The following MAP3K13 variants were observed in gnomAD, a reference collection of about 807,000 sequenced individuals.
The protein encoded by MAP3K13 is mitogen-activated protein kinase kinase kinase 13, also known as leucine zipper-bearing kinase.
Under a neutral mutation model 104.0 loss-of-function variants are expected in MAP3K13, and 52 were observed. The observed-to-expected ratio is 0.50, with a 90% CI of 0.40 to 0.63. The LOEUF (loss-of-function observed/expected upper bound fraction) is 0.63. Among genes scored for constraint, MAP3K13 ranks in the 20% least tolerant of loss-of-function variants. MAP3K13 has a pLI of 0.00. For missense variants in MAP3K13, 914 were observed against 1,218.5 expected (o/e 0.75, Z 3.72); for synonymous variants, 394 against 442.2 (o/e 0.89, Z 1.37).
At chr3:185,379,735 C>A (rs1427476762) in intron 1 of MAP3K13, among the ~76,000 whole-genome samples, 1 of 152,194 alleles carries the variant, frequency 6.6e-6, no homozygotes, top group African/African-American at 2.4e-5. Context: ...GTTATACATT[C>A]ATTATTTTTT....
At position 185,316,600 on chromosome 3, in the gene MAP3K13, C is replaced by T. The variant is rs542756151; in HGVS notation, c.-86+30957C>T. 1.4e-4 allele frequency among the ~76,000 whole-genome samples: 22 copies of T among 152,246 alleles called. 2 individuals are homozygous for T. In the South Asian group the frequency reaches 4.4e-3, roughly 30 times the overall value. ...AAGTTGCAGTGAGCCAAGATCACAC[C>T]ATTACACTCCAGCCTGGGTGACAGA... is the stretch of plus-strand genomic sequence containing the variant. On this transcript the variant is annotated intron_variant, in intron 2 of 14. Coordinates refer to the MAP3K13 transcript ENST00000424227.
At chr3:185,453,725 C>T (rs1405299777) in intron 7 of MAP3K13, among the ~76,000 whole-genome samples, 9 of 148,332 alleles carry the variant, frequency 6.1e-5, no homozygotes, top group South Asian at 2.1e-4. Context: ...GCTGAGATCA[C>T]GCCACTGCAC....
chr3:185,458,242 C>T (rs1179171455), intron 7 of MAP3K13, among the ~76,000 whole-genome samples: 2 of 151,756 alleles, frequency 1.3e-5, no homozygotes, highest in African/African-American at 2.4e-5. Context: ...GGTGTAATCA[C>T]CTGTAATGCC....
chr3:185,447,962 C>T lies in MAP3K13; in HGVS notation c.1010+15C>T, dbSNP rs1715683855. 1 of 1,594,974 alleles carries T rather than the reference C, an allele frequency of 6.3e-7. No homozygotes were observed. The highest frequency in any genetic ancestry group is 8.6e-7 in the Non-Finnish European group (1 of 1,169,534). On this transcript the variant is annotated intron_variant, in intron 5 of 13. Transcript: ENST00000265026. ...GTTGATATATGGTGAGTGGCGCCAC[C>T]AGTTGTGCCAACTAAAAAGCCTTTT...
intron 1 of MAP3K13, among the ~76,000 whole-genome samples, chr3:185,411,972 T>TG (rs1713477668): frequency 6.6e-6 from 1 of 151,956 alleles, no homozygotes; most frequent in Non-Finnish European, 1.5e-5. Context: ...TTAGTAGATA[T>TG]GGGGTTTCAC....
In MAP3K13 at chr3:185,315,256, G is replaced by GA. The variant is rs917640312; in HGVS notation, c.-86+29623dup. ...CAGAGCAAGACTCCAACTCAAAAAA[G>GA]AAAAAAAAAACTATAAATATATTAC... On this transcript the variant is annotated intron_variant, in intron 2 of 14. Transcript: ENST00000424227. This position sits in a 1 kb window ranked among gnomAD's most constrained non-coding sequence, Gnocchi z 4.3. Among the ~76,000 whole-genome samples, 58 of 145,860 alleles carry GA rather than the reference G, an allele frequency of 4.0e-4. No homozygotes were observed. The highest frequency in any genetic ancestry group is 7.8e-4 in the African/African-American group (31 of 39,818).
intron 1 of MAP3K13, among the ~76,000 whole-genome samples, chr3:185,284,357 G>A (rs1369397941): frequency 6.6e-6 from 1 of 152,148 alleles, no homozygotes; most frequent in Non-Finnish European, 1.5e-5. Context: ...TATTAATAGA[G>A]GGTCCCCAAA....
At chr3:185,467,490 T>C (rs1000329417) in intron 10 of MAP3K13, among the ~76,000 whole-genome samples, 1 of 152,014 alleles carries the variant, frequency 6.6e-6, no homozygotes, top group Non-Finnish European at 1.5e-5. Flanking sequence ...TGCATTGCCA[T>C]AAAGAAATAC....
chr3:185,420,102 C>G (rs2108794872), intron 1 of MAP3K13, among the ~76,000 whole-genome samples: 1 of 152,196 alleles, frequency 6.6e-6, no homozygotes, highest in African/African-American at 2.4e-5. Flanking sequence ...AATATAGGTA[C>G]ATGGTAAACA....
intron 7 of MAP3K13, among the ~76,000 whole-genome samples, chr3:185,461,665 CG>C (rs1350677821): frequency 3.3e-5 from 5 of 152,048 alleles, no homozygotes; most frequent in Non-Finnish European, 5.9e-5. Flanking sequence ...CGGGTTCAAG[CG>C]GTTCTCCTGC....
chr3:185,457,046 A>T (rs750315051), intron 7 of MAP3K13, among the ~76,000 whole-genome samples: 2 of 152,218 alleles, frequency 1.3e-5, no homozygotes, highest in Non-Finnish European at 2.9e-5. Flanking sequence ...GATGTTACTT[A>T]AGTCCTCCTA....
intron 7 of MAP3K13, among the ~76,000 whole-genome samples, chr3:185,456,473 C>G (rs1716752705): frequency 6.6e-6 from 1 of 151,828 alleles, no homozygotes; most frequent in Non-Finnish European, 1.5e-5. Context: ...GATGAGAAAT[C>G]TTTATCTTCT....
At position 185,418,849 on chromosome 3, in the gene MAP3K13, T is replaced by C; in HGVS notation, c.-85-9648T>C. On this transcript the variant is annotated intron_variant, in intron 1 of 13. Coordinates refer to ENST00000265026, the MANE Select transcript of MAP3K13 (RefSeq NM_004721.5). This position sits in a 1 kb window ranked among gnomAD's most constrained non-coding sequence, Gnocchi z 4.5. ...CACAGGAAAAGCATGTTCTTGTCTT[T>C]TCATCTGTTTTGGGTTTCAGTTCTC... 6.8e-7 allele frequency: 1 copy of C among 1,475,068 alleles called. No homozygotes were observed. The highest frequency in any genetic ancestry group is 2.4e-5 in the East Asian group (1 of 41,270). The allele number at this position is 1,475,068 out of a possible 1,614,324, so 91.4% of individuals were successfully genotyped here.
At chr3:185,477,015 C>T in intron 11 of MAP3K13, 2 of 491,296 alleles carry the variant, frequency 4.1e-6, no homozygotes, top group Non-Finnish European at 7.8e-6. Flanking sequence ...CCAAGACCTC[C>T]TCTCCAACTT....
rs191335065 is a variant in MAP3K13 at position 185,329,258 on chromosome 3, G to C, written c.-86+43615G>C. 5.7e-6 allele frequency: 4 copies of C among 703,110 alleles called. No individual in the cohort carries two copies. In the South Asian group the frequency reaches 5.9e-5, roughly 10 times the overall value. 43.6% of individuals were successfully genotyped at this position (703,110 alleles called of 1,614,324 possible). On this transcript the variant is annotated intron_variant, in intron 2 of 14. Transcript: ENST00000424227. ...ACAGTTAGAAAATAAAAGTGAGTAT[G>C]TACCTAGTGCCGAGAGATTGTTTCT...
Position 185,395,601 on chromosome 3 carries a change from G to A in MAP3K13, c.-86+32233G>A, listed in dbSNP as rs1005702277. Among the ~76,000 whole-genome samples the A allele has an allele frequency of 8.4e-4, 126 of 150,592 alleles. 1 individual carries two copies. Among genetic ancestry groups the A allele is most frequent in the East Asian group, 1.8e-3 (9 of 5,136 alleles). The stretch of plus-strand genomic sequence containing the variant: ...TCTCGATCTCCTGACCTCGTGATCC[G>A]CCCGCCTCGGCCTCCCAAAGTGCTG... On this transcript the variant is annotated intron_variant, in intron 1 of 13. Coordinates refer to ENST00000265026, the MANE Select transcript of MAP3K13 (RefSeq NM_004721.5).
intron 2 of MAP3K13, among the ~76,000 whole-genome samples, chr3:185,340,520 C>G (rs1289650338): frequency 1.3e-5 from 2 of 152,168 alleles, no homozygotes; most frequent in Non-Finnish European, 2.9e-5. Context: ...TGATGAGAAA[C>G]TTCCCTAAGA....
chr3:185,304,415 G>A (rs1258758467), intron 2 of MAP3K13, among the ~76,000 whole-genome samples: 1 of 152,134 alleles, frequency 6.6e-6, no homozygotes, highest in Non-Finnish European at 1.5e-5. Flanking sequence ...GTGGGGCATT[G>A]AAATCTCCTA....
At chr3:185,408,959 A>G (rs565213584) in intron 1 of MAP3K13, among the ~76,000 whole-genome samples, 186 of 152,314 alleles carry the variant, frequency 1.2e-3, no homozygotes, top group African/African-American at 4.3e-3. Context: ...GGCGTCTACC[A>G]ATGAAATGTA....
Sources: gnomAD v4.1 joint callset for allele counts (sites outside exome capture counted in the v4.1 genomes callset) on GRCh38, gnomAD v4.1.1 for gene constraint, Gnocchi (gnomAD v3.1) non-coding constraint, MANE v1.5 for transcripts, NCBI Gene and HGNC (gene_info 2026-07-23, HGNC 2026-07-21) for gene names.